BCHE: variants seen among roughly 807,000 people sequenced by gnomAD.
The protein encoded by BCHE is cholinesterase.
Under a neutral mutation model 51.3 loss-of-function variants are expected in BCHE, and 48 were observed. The observed-to-expected ratio is 0.94, with a 90% CI of 0.74 to 1.19. The LOEUF (loss-of-function observed/expected upper bound fraction) is 1.19, where lower values mean the gene tolerates loss of function less well. BCHE is among the 50% of genes most tolerant of loss of function. The pLI, the probability that BCHE is intolerant of heterozygous loss-of-function variation, is 0.00. For synonymous variants in BCHE, 251 were observed against 238.0 expected, an observed-to-expected ratio of 1.05 and a Z score of -0.50; for missense variants, 847 against 708.2, an observed-to-expected ratio of 1.20 and a Z score of -2.23.
intron 2 of BCHE, among the ~76,000 whole-genome samples, chr3:165,788,189 T>A (rs1033903197): frequency 3.3e-5 from 5 of 152,024 alleles, no homozygotes; most frequent in Non-Finnish European, 7.4e-5. Context: ...TAAACATTCA[T>A]CCAGTATGGT....
chr3:165,830,592 T>G lies in BCHE; in HGVS notation c.442A>C (p.Thr148Pro). ...LIWIYGGGFQTGTSSLHVYDG... is the reference protein window; with the variant it reads ...LIWIYGGGFQPGTSSLHVYDG... ...TAAACATGTAAAGATGATGTTCCAG[T>G]TTGAAAACCACCACCATAAATCCAT... is the stretch of plus-strand genomic sequence containing the variant. Residue 148 changes from threonine to proline, a missense_variant, in exon 2 of 4, where the codon ACT (threonine) becomes CCT (proline). Transcript: ENST00000264381. The G allele has an allele frequency of 6.2e-7, 1 of 1,614,010 alleles. No homozygotes were observed. Among genetic ancestry groups the G allele is most frequent in the South Asian group, 1.1e-5 (1 of 91,086 alleles).
intron 2 of BCHE, among the ~76,000 whole-genome samples, chr3:165,799,295 T>C (rs1172453250): frequency 6.6e-6 from 1 of 152,066 alleles, no homozygotes; most frequent in Middle Eastern, 3.2e-3. Context: ...AGCTGTATGT[T>C]ATTTTAGTTT....
chr3:165,829,450 G>T lies in BCHE; in HGVS notation c.1517+67C>A, dbSNP rs1714859439. Reference sequence around the variant, plus strand: ...TCTTTATACTAAAGTCTACCCCAGAGACCAAGCAAAGCTAAGCAAAACGGA... The same window carrying T: ...TCTTTATACTAAAGTCTACCCCAGATACCAAGCAAAGCTAAGCAAAACGGA... On this transcript the variant is annotated intron_variant, in intron 2 of 3. Coordinates refer to ENST00000264381, the MANE Select transcript of BCHE (RefSeq NM_000055.4). 33 of 1,343,840 alleles carry T rather than the reference G, an allele frequency of 2.5e-5. No homozygotes were observed. The South Asian group carries it at 3.6e-4, about 15-fold the overall frequency. 83.2% of individuals were successfully genotyped at this position (1,343,840 alleles called of 1,614,324 possible).
Position 165,830,262 on chromosome 3 carries a change from G to A in BCHE, c.772C>T (p.Pro258Ser), listed in dbSNP as rs1333677187. Reference sequence around the variant, plus strand: ...TCATAAAGAGATGTTACCGCCCAAGGAGCATTAAAGGATCCACTTTGCAGA... The same window carrying A: ...TCATAAAGAGATGTTACCGCCCAAGAAGCATTAAAGGATCCACTTTGCAGA... ...AILQSGSFNAPWAVTSLYEAR... is the reference protein window; with the variant it reads ...AILQSGSFNASWAVTSLYEAR... The change falls in exon 2 of 4, where the codon CCT becomes TCT. Residue 258 changes from proline (P) to serine (S), a missense_variant. Physicochemically the swap from Pro to Ser is moderately conservative, Grantham distance 74 (BLOSUM62 -1). Coordinates refer to ENST00000264381, the MANE Select transcript of BCHE (RefSeq NM_000055.4). 24 of 1,613,856 alleles carry A rather than the reference G, an allele frequency of 1.5e-5. No individual in the cohort carries two copies. The highest frequency in any genetic ancestry group is 2.0e-5 in the Non-Finnish European group (24 of 1,179,950).
At chr3:165,786,628 T>A (rs1217323610) in intron 2 of BCHE, among the ~76,000 whole-genome samples, 4 of 151,694 alleles carry the variant, frequency 2.6e-5, no homozygotes, top group African/African-American at 9.7e-5. Flanking sequence ...GCTCAAAGGG[T>A]GGTGTTACTT....
chr3:165,827,570 A>C (rs1714773950), intron 2 of BCHE, among the ~76,000 whole-genome samples: 1 of 151,992 alleles, frequency 6.6e-6, no homozygotes, highest in African/African-American at 2.4e-5. Flanking sequence ...CTCCATTGTG[A>C]AATGAGAAAA....
At chr3:165,774,360 G>T (rs1251026347) in intron 3 of BCHE, among the ~76,000 whole-genome samples, 1 of 151,690 alleles carries the variant, frequency 6.6e-6, no homozygotes, top group Non-Finnish European at 1.5e-5. Flanking sequence ...TTGAGACAGA[G>T]TTCACTCTTG....
rs1012432873 is a variant in BCHE at position 165,790,160 on chromosome 3, G to T, written c.1518-3849C>A. 2.0e-5 allele frequency among the ~76,000 whole-genome samples: 3 copies of T among 152,062 alleles called. No individual in the cohort carries two copies. In the East Asian group the frequency reaches 5.8e-4, roughly 29 times the overall value. On this transcript the variant is annotated intron_variant, in intron 2 of 3. Coordinates refer to ENST00000264381, the MANE Select transcript of BCHE (RefSeq NM_000055.4). Reference sequence around the variant, plus strand: ...AGACTGTCCATGTGATTAGAGAGTTGAGACTTTTAGCCATGTGATATCATA... The same window carrying T: ...AGACTGTCCATGTGATTAGAGAGTTTAGACTTTTAGCCATGTGATATCATA...
chr3:165,779,468 A>C (rs80020474), intron 3 of BCHE, among the ~76,000 whole-genome samples: 1 of 152,136 alleles, frequency 6.6e-6, no homozygotes, highest in Non-Finnish European at 1.5e-5. Context: ...AAAGAAAGGA[A>C]GTCAAGTTGT....
At chr3:165,777,501 A>G (rs1228660142) in intron 3 of BCHE, among the ~76,000 whole-genome samples, 1 of 152,160 alleles carries the variant, frequency 6.6e-6, no homozygotes, top group Non-Finnish European at 1.5e-5. Flanking sequence ...AAATAGACAT[A>G]TCAACTAAAA....
At chr3:165,836,545 T>C (rs1191394633) in intron 1 of BCHE, among the ~76,000 whole-genome samples, 1 of 152,008 alleles carries the variant, frequency 6.6e-6, no homozygotes, top group African/African-American at 2.4e-5. Flanking sequence ...TTATAATCCT[T>C]AATATTTAAT....
intron 2 of BCHE, among the ~76,000 whole-genome samples, chr3:165,825,541 T>C (rs1714687299): frequency 6.6e-6 from 1 of 152,054 alleles, no homozygotes; most frequent in Admixed American, 6.6e-5. Flanking sequence ...TGAAAATACA[T>C]AGGATATGTA....
At chr3:165,833,861 C>T (rs73028253) in intron 1 of BCHE, among the ~76,000 whole-genome samples, 49 of 152,138 alleles carry the variant, frequency 3.2e-4, no homozygotes, top group African/African-American at 1.2e-3. Context: ...TTGGGCGGTT[C>T]GTTCTAAGCT....
chr3:165,791,198 G>C (rs1713150425), intron 2 of BCHE, among the ~76,000 whole-genome samples: 1 of 151,930 alleles, frequency 6.6e-6, no homozygotes, highest in South Asian at 2.1e-4. Flanking sequence ...GGGAGGCTGA[G>C]GCAGGAGAAT....
At chr3:165,808,455 A>G (rs1713954227) in intron 2 of BCHE, among the ~76,000 whole-genome samples, 1 of 152,064 alleles carries the variant, frequency 6.6e-6, no homozygotes, top group Admixed American at 6.6e-5. Flanking sequence ...AGAAAGTCAT[A>G]TATTCCTTTT....
intron 2 of BCHE, among the ~76,000 whole-genome samples, chr3:165,807,985 A>G (rs1713931342): frequency 4.7e-5 from 7 of 148,986 alleles, no homozygotes; most frequent in Admixed American, 3.3e-4. Flanking sequence ...TTTTTTTTGT[A>G]GTTGTTGTTG....
chr3:165,830,522 G>A lies in BCHE; in HGVS notation c.512C>T (p.Ser171Leu). The A allele has an allele frequency of 6.2e-7, 1 of 1,613,904 alleles. No homozygotes were observed. Among genetic ancestry groups the A allele is most frequent in the South Asian group, 1.1e-5 (1 of 91,072 alleles). ...TAGGGCACCCACCCTATAGTTCATTGACACTACAATAACTCTTTCAACCCG... is the reference window on the plus strand; with the variant it reads ...TAGGGCACCCACCCTATAGTTCATTAACACTACAATAACTCTTTCAACCCG... ...LARVERVIVV[S>L]MNYRVGALGF... is the part of the protein sequence containing the mutation. Residue 171 changes from serine (S) to leucine (L), a missense_variant, in exon 2 of 4, where the codon TCA becomes TTA. Physicochemically the swap from Ser to Leu is moderately radical, Grantham distance 145. Coordinates refer to ENST00000264381, the MANE Select transcript of BCHE (RefSeq NM_000055.4).
At chr3:165,787,836 T>A (rs1165467275) in intron 2 of BCHE, among the ~76,000 whole-genome samples, 2 of 151,954 alleles carry the variant, frequency 1.3e-5, no homozygotes, top group Non-Finnish European at 2.9e-5. Flanking sequence ...AAATGGCTAG[T>A]GTGAGCATAA....
chr3:165,803,596 G>A (rs952620950), intron 2 of BCHE, among the ~76,000 whole-genome samples: 1 of 152,000 alleles, frequency 6.6e-6, no homozygotes, highest in Non-Finnish European at 1.5e-5. Flanking sequence ...TATAAACAAT[G>A]TACACTCTTA....
Sources: gnomAD v4.1 joint callset for allele counts (sites outside exome capture counted in the v4.1 genomes callset) on GRCh38, gnomAD v4.1.1 for gene constraint, MANE v1.5 for transcripts, NCBI Gene and HGNC (gene_info 2026-07-23, HGNC 2026-07-21) for gene names.